SEZ6L: variants seen among roughly 807,000 people sequenced by gnomAD.
SEZ6L encodes the protein seizure 6-like protein.
A neutral mutation model predicts 106.2 loss-of-function variants in SEZ6L; 37 were observed. The ratio of observed to expected loss-of-function variants is 0.35; its 90% confidence interval spans 0.27 to 0.46. The LOEUF (loss-of-function observed/expected upper bound fraction) is 0.46. Ranked by LOEUF, SEZ6L falls within the 20% of genes least tolerant of loss-of-function variation. The probability of loss-of-function intolerance (pLI) is 1.00; values close to 1 mark genes in which losing one functional copy is unlikely to be tolerated. For missense variants in SEZ6L, 1,172 were observed against 1,332.8 expected (o/e 0.88, Z 1.88); for synonymous variants, 541 against 570.4 (o/e 0.95, Z 0.73).
intron 1 of SEZ6L, among the ~76,000 whole-genome samples, chr22:26,231,972 G>C (rs1438544467): frequency 6.6e-6 from 1 of 152,012 alleles, no homozygotes; most frequent in African/African-American, 2.4e-5. Context: ...CCTGCCCTGG[G>C]GTCCCCACAG....
chr22:26,294,574 TAGG>T (rs1200654055), intron 3 of SEZ6L, 149 bp downstream of exon 3: 20 of 670,196 alleles, frequency 3.0e-5, no homozygotes, highest in Non-Finnish European at 4.3e-5. Flanking sequence ...GGCGAATGAG[TAGG>T]AGTTCTTAAC....
chr22:26,382,130 C>T lies in SEZ6L; in HGVS notation c.*1835C>T. On this transcript the variant is annotated 3_prime_UTR_variant, in exon 17 of 17. Transcript: ENST00000248933. ...CTCCTGAAGGCATGAGTGTGTGGTC[C>T]ATGGCAAGAAATAGCTAAAGGCTGC... 2 of 485,622 alleles carry T rather than the reference C, an allele frequency of 4.1e-6. No individual in the cohort carries two copies. The highest frequency in any genetic ancestry group is 8.2e-6 in the Non-Finnish European group (2 of 243,696). 30.1% of individuals were successfully genotyped at this position (485,622 alleles called of 1,614,324 possible).
rs2084198702 is a variant in SEZ6L at position 26,375,662 on chromosome 22, T to G, written c.2915T>G (p.Leu972Arg). ...FIPVLIISLLLGGAYIYITRC... is the reference protein window; with the variant it reads ...FIPVLIISLLRGGAYIYITRC... Reference sequence around the variant, plus strand: ...CCGGTCCTCATCATCTCCTTACTGCTGGGAGGAGCCTACATTTACATCACA... The same window carrying G: ...CCGGTCCTCATCATCTCCTTACTGCGGGGAGGAGCCTACATTTACATCACA... The change falls in exon 15 of 17, where the codon CTG (leucine) becomes CGG (arginine). Residue 972 changes from leucine to arginine, a missense_variant. Coordinates refer to ENST00000248933, the MANE Select transcript of SEZ6L (RefSeq NM_021115.5). 2 of 1,613,616 alleles carry G rather than the reference T, an allele frequency of 1.2e-6. No homozygotes were observed. The highest frequency in any genetic ancestry group is 1.3e-5 in the African/African-American group (1 of 74,868).
Position 26,297,083 on chromosome 22 carries a change from AG to A in SEZ6L, c.1162+6del. ...GACCTTCCAGCTTCACTACCAGGGT[AG>A]GGTCAGGCCAAGGCTGATGAAACAT... On this transcript the variant is annotated splice_donor_region_variant and intron_variant, in intron 4 of 16. Coordinates refer to ENST00000248933, the MANE Select transcript of SEZ6L (RefSeq NM_021115.5). 1 of 1,611,548 alleles carries A rather than the reference AG, an allele frequency of 6.2e-7. No individual in the cohort carries two copies.
chr22:26,295,744 C>G (rs1418841929), intron 3 of SEZ6L, among the ~76,000 whole-genome samples: 1 of 152,146 alleles, frequency 6.6e-6, no homozygotes, highest in East Asian at 1.9e-4. Context: ...CCAGGCAAAG[C>G]TGTTGACACA....
chr22:26,173,069 C>T (rs992437028), intron 1 of SEZ6L, among the ~76,000 whole-genome samples: 1 of 152,124 alleles, frequency 6.6e-6, no homozygotes, highest in Non-Finnish European at 1.5e-5. Flanking sequence ...TTCAGCAGAA[C>T]TATTTTATCT....
chr22:26,216,307 G>T (rs574147798), intron 1 of SEZ6L, among the ~76,000 whole-genome samples: 2 of 152,266 alleles, frequency 1.3e-5, no homozygotes, highest in South Asian at 4.1e-4. Flanking sequence ...CAATCCCTAA[G>T]GGGACAGCTG....
intron 12 of SEZ6L, chr22:26,364,714 C>T (rs1292934869): frequency 6.6e-6 from 1 of 152,268 alleles, no homozygotes; most frequent in Non-Finnish European, 1.5e-5. Flanking sequence ...AGGCTCATCT[C>T]CAATGAGGGA....
intron 1 of SEZ6L, among the ~76,000 whole-genome samples, chr22:26,210,605 G>A (rs1026326570): frequency 6.6e-6 from 1 of 152,096 alleles, no homozygotes; most frequent in African/African-American, 2.4e-5. Flanking sequence ...GGGAGAGTGA[G>A]TGCGCGGACA....
chr22:26,318,881 G>A (rs753919846), intron 9 of SEZ6L, among the ~76,000 whole-genome samples: 4 of 152,086 alleles, frequency 2.6e-5, no homozygotes, highest in South Asian at 2.1e-4. Flanking sequence ...ATCAAACAAC[G>A]ACAAAACAGA....
chr22:26,378,043 A>G (rs2084289502), intron 16 of SEZ6L, among the ~76,000 whole-genome samples: 1 of 152,112 alleles, frequency 6.6e-6, no homozygotes, highest in Non-Finnish European at 1.5e-5. Context: ...ACCCACAGAG[A>G]GCAGACCAAC....
intron 10 of SEZ6L, among the ~76,000 whole-genome samples, chr22:26,343,233 C>G (rs1268055373): frequency 2.0e-5 from 3 of 151,758 alleles, no homozygotes; most frequent in Non-Finnish European, 4.4e-5. Context: ...CGTCCTCTCC[C>G]TCTCCACTGA....
At chr22:26,249,486 A>C (rs2079491907) in intron 1 of SEZ6L, among the ~76,000 whole-genome samples, 1 of 152,056 alleles carries the variant, frequency 6.6e-6, no homozygotes, top group Non-Finnish European at 1.5e-5. Flanking sequence ...TGTTACCTCC[A>C]ATGACAGATT....
At chr22:26,202,887 G>A (rs2145682514) in intron 1 of SEZ6L, among the ~76,000 whole-genome samples, 1 of 152,128 alleles carries the variant, frequency 6.6e-6, no homozygotes. Context: ...CTTAACACTG[G>A]GCTGCAATAA....
At chr22:26,373,325 TA>T in intron 13 of SEZ6L, 125 bp from the exon 14 acceptor site, 1 of 772,472 alleles carries the variant, frequency 1.3e-6, no homozygotes, top group Non-Finnish European at 2.2e-6. Context: ...CCAAGATAAG[TA>T]AAAACATACC....
At chr22:26,251,792 A>G (rs1176032968) in intron 1 of SEZ6L, among the ~76,000 whole-genome samples, 2 of 152,184 alleles carry the variant, frequency 1.3e-5, no homozygotes, top group Non-Finnish European at 2.9e-5. Flanking sequence ...GCCAGGATGG[A>G]CATCTATATC....
intron 1 of SEZ6L, among the ~76,000 whole-genome samples, chr22:26,279,368 G>A (rs1569440252): frequency 6.6e-6 from 1 of 152,162 alleles, no homozygotes; most frequent in East Asian, 1.9e-4. Flanking sequence ...GAGAGGAAGA[G>A]GAGGGCTGGG....
Position 26,292,373 on chromosome 22 carries a change from C to G in SEZ6L, c.95-33C>G, listed in dbSNP as rs1021313580. 4.5e-6 allele frequency: 7 copies of G among 1,554,904 alleles called. No individual in the cohort carries two copies. The African/African-American group carries it at 9.5e-5, about 21-fold the overall frequency. ...AGCAGGTGAAGGTCCTAAATCTCCC[C>G]AAACTAACTGGTGTCTTTTCTCCTC... On this transcript the variant is annotated intron_variant, in intron 1 of 16. Transcript: ENST00000248933.
chr22:26,332,714 C>CTGGGATT (rs1199823544), intron 9 of SEZ6L, among the ~76,000 whole-genome samples: 1 of 152,218 alleles, frequency 6.6e-6, no homozygotes, highest in African/African-American at 2.4e-5. Flanking sequence ...TCCCAAAATG[C>CTGGGATT]TGGGATTACA....
Sources: allele counts gnomAD v4.1 joint callset (sites outside exome capture counted in the v4.1 genomes callset), GRCh38; gene constraint gnomAD v4.1.1; transcripts MANE v1.5; gene names NCBI Gene and HGNC (gene_info 2026-07-23, HGNC 2026-07-21).